LINGO2: variants seen among roughly 807,000 people sequenced by gnomAD.
LINGO2 encodes the protein leucine rich repeat and Ig domain containing 2.
LINGO2 carries 14 observed loss-of-function variants against 30.6 expected under a neutral mutation model. That is an observed-to-expected ratio of 0.46 (90% confidence interval 0.30 to 0.72). The LOEUF (loss-of-function observed/expected upper bound fraction) is 0.72, where lower values mean the gene tolerates loss of function less well. LINGO2 is among the 30% of genes least tolerant of loss of function. The pLI is 0.07. For synonymous variants in LINGO2, 317 were observed against 288.5 expected (o/e 1.10, Z -1.00); for missense variants, 729 against 751.7 (o/e 0.97, Z 0.35).
At chr9:27,988,916 G>C (rs1821256425) in intron 5 of LINGO2, among the ~76,000 whole-genome samples, 1 of 150,944 alleles carries the variant, frequency 6.6e-6, no homozygotes, top group Non-Finnish European at 1.5e-5. Flanking sequence ...AAGAAAAAAA[G>C]ATGAAACTAT....
chr9:28,093,127 G>A (rs1411148268), intron 4 of LINGO2, among the ~76,000 whole-genome samples: 1 of 152,088 alleles, frequency 6.6e-6, no homozygotes, highest in African/African-American at 2.4e-5. Context: ...TGGGTGCAAT[G>A]TGCGATGTTG....
intron 2 of LINGO2, among the ~76,000 whole-genome samples, chr9:28,398,766 C>T (rs1324136927): frequency 6.6e-6 from 1 of 151,916 alleles, no homozygotes; most frequent in Admixed American, 6.6e-5. Flanking sequence ...GCTTTAACAA[C>T]CTGCATATTT....
chr9:29,105,529 C>A, the LINGO2 span, among the ~76,000 whole-genome samples: 15 of 152,136 alleles, frequency 9.9e-5, no homozygotes, highest in Admixed American at 3.9e-4. Context: ...TAAAGATAGA[C>A]CGTGTCCTTT....
chr9:28,151,198 T>C (rs1376560495), intron 4 of LINGO2, among the ~76,000 whole-genome samples: 2 of 152,170 alleles, frequency 1.3e-5, no homozygotes, highest in Admixed American at 1.3e-4. Flanking sequence ...GAGTGGTTCA[T>C]TCTTGAATAG....
At chr9:28,410,760 ATTAGTTTTGACAATT>A (rs1382656434) in intron 2 of LINGO2, among the ~76,000 whole-genome samples, 1 of 152,146 alleles carries the variant, frequency 6.6e-6, no homozygotes, top group Non-Finnish European at 1.5e-5. Flanking sequence ...CTATTGCATC[ATTAGTTTTGACAATT>A]TACTCTGACA....
chr9:28,647,263 T>A (rs189005455), intron 1 of LINGO2, among the ~76,000 whole-genome samples: 64 of 152,216 alleles, frequency 4.2e-4, no homozygotes, highest in African/African-American at 1.5e-3. Flanking sequence ...CCCAAGCACC[T>A]CTTACTTCCC....
intron 4 of LINGO2, among the ~76,000 whole-genome samples, chr9:28,224,254 C>T (rs182295106): frequency 3.9e-5 from 6 of 152,188 alleles, no homozygotes; most frequent in East Asian, 3.9e-4. Context: ...TTAGTAGAGA[C>T]GGGGTTTCAC....
At chr9:28,407,086 T>C (rs574142685) in intron 2 of LINGO2, among the ~76,000 whole-genome samples, 5 of 152,226 alleles carry the variant, frequency 3.3e-5, no homozygotes, top group African/African-American at 1.2e-4. Context: ...TATATCCCTA[T>C]ATATAGAGAT....
the LINGO2 span, among the ~76,000 whole-genome samples, chr9:28,898,901 A>AC: frequency 1.3e-5 from 2 of 152,020 alleles, no homozygotes. Context: ...ACAAATGTGC[A>AC]CATGTATCCC....
intron 4 of LINGO2, among the ~76,000 whole-genome samples, chr9:28,021,375 CTTA>C (rs1306906945): frequency 7.2e-5 from 11 of 152,068 alleles, no homozygotes; most frequent in African/African-American, 2.4e-4. Flanking sequence ...TTGTATAATT[CTTA>C]TTAAAGTTTT....
intron 4 of LINGO2, among the ~76,000 whole-genome samples, chr9:28,127,030 T>C (rs913551323): frequency 4.6e-5 from 7 of 152,214 alleles, no homozygotes; most frequent in African/African-American, 1.7e-4. Context: ...TCAGCTATTT[T>C]AAAGATGAGA....
the LINGO2 span, among the ~76,000 whole-genome samples, chr9:28,936,018 AAAAGCAAGGAACTCAACATTAGTAAGATT>A: frequency 1.3e-5 from 2 of 152,152 alleles, no homozygotes; most frequent in Admixed American, 1.3e-4. Flanking sequence ...CAAAGTGGGC[AAAAGCAAGGAACTCAACATTAGTAAGATT>A]AATACAATAT....
the LINGO2 span, among the ~76,000 whole-genome samples, chr9:29,189,138 C>A: frequency 3.8e-5 from 5 of 131,722 alleles, no homozygotes; most frequent in African/African-American, 1.1e-4. Flanking sequence ...GCTGGCCGGG[C>A]GGGGGGCTGA....
intron 2 of LINGO2, among the ~76,000 whole-genome samples, chr9:28,375,138 ACCC>A (rs750645087): frequency 8.2e-5 from 10 of 122,198 alleles, no homozygotes; most frequent in Admixed American, 2.8e-4. Flanking sequence ...ACACACATAC[ACCC>A]CACACTAAGC....
chr9:28,309,948 C>T (rs1448484826), intron 3 of LINGO2, among the ~76,000 whole-genome samples: 2 of 151,808 alleles, frequency 1.3e-5, no homozygotes, highest in East Asian at 1.9e-4. Flanking sequence ...AAAAAACACC[C>T]CGAGATATTG....
At chr9:27,996,365 C>T (rs1055418390) in intron 5 of LINGO2, among the ~76,000 whole-genome samples, 6 of 151,998 alleles carry the variant, frequency 3.9e-5, no homozygotes, top group African/African-American at 1.4e-4. Context: ...ATATAATAGC[C>T]AAAATATAGA....
At chr9:28,452,947 T>C (rs1224060231) in intron 2 of LINGO2, among the ~76,000 whole-genome samples, 3 of 151,870 alleles carry the variant, frequency 2.0e-5, no homozygotes, top group African/African-American at 7.2e-5. Flanking sequence ...TGTTAGACTT[T>C]ATTGTGCAAA....
At chr9:28,400,373 G>C (rs7022321) in intron 2 of LINGO2, among the ~76,000 whole-genome samples, 53,225 of 151,980 alleles carry the variant, frequency 0.35, 9,743 homozygotes, top group Middle Eastern at 0.47. Flanking sequence ...CTCTTTCCAG[G>C]TCCATATTCA....
intron 4 of LINGO2, among the ~76,000 whole-genome samples, chr9:28,132,382 G>A (rs917039482): frequency 5.9e-5 from 9 of 152,150 alleles, no homozygotes; most frequent in Admixed American, 5.9e-4. Flanking sequence ...CTTTTACGTA[G>A]CTTAATGTGG....
Sources: gnomAD v4.1 joint callset for allele counts (sites outside exome capture counted in the v4.1 genomes callset) on GRCh38, gnomAD v4.1.1 for gene constraint, MANE v1.5 for transcripts, NCBI Gene and HGNC (gene_info 2026-07-23, HGNC 2026-07-21) for gene names.